The following KIF1C variants were observed in gnomAD, a reference collection of about 807,000 sequenced individuals.
KIF1C encodes kinesin family member 1C.
A neutral mutation model predicts 126.5 loss-of-function variants in KIF1C; 61 were observed. That is an observed-to-expected ratio of 0.48 (90% confidence interval 0.39 to 0.60). The LOEUF (loss-of-function observed/expected upper bound fraction) is 0.60, where lower values mean the gene tolerates loss of function less well. Among genes scored for constraint, KIF1C ranks in the 20% least tolerant of loss-of-function variants. The pLI is 0.00. For missense variants in KIF1C, 1,315 were observed against 1,489.2 expected, an observed-to-expected ratio of 0.88 and a Z score of 1.93; for synonymous variants, 640 against 580.6, an observed-to-expected ratio of 1.10 and a Z score of -1.47.
chr17:5,015,582 C>CATT, intron 18 of KIF1C, among the ~76,000 whole-genome samples: 1 of 71,248 alleles, frequency 1.4e-5, no homozygotes. Context: ...CTGCCCCCAG[C>CATT]TTTTTTTTTT....
At chr17:4,999,592 C>T (rs191655875) in intron 1 of KIF1C, among the ~76,000 whole-genome samples, 4 of 152,244 alleles carry the variant, frequency 2.6e-5, no homozygotes, top group Admixed American at 1.3e-4. Flanking sequence ...CCATGTGCCC[C>T]TCTCTCTGAA....
rs1161974448 is a variant in KIF1C at position 5,020,561 on chromosome 17, G to A, written c.1820G>A (p.Arg607Gln). Reference protein sequence around the residue: ...FNHPEQARLERERGVPPPPGP... With the variant: ...FNHPEQARLEQERGVPPPPGP... The stretch of plus-strand genomic sequence containing the variant: ...CACCCGGAGCAGGCAAGGCTGGAAC[G>A]GGAACGAGGGGTCCCCCCACCCCCA... The change falls in exon 20 of 23, where the codon CGG becomes CAG. Residue 607 changes from arginine to glutamine, a missense_variant. Arg to Gln is a conservative substitution (Grantham distance 43). Coordinates refer to ENST00000320785, the MANE Select transcript of KIF1C (RefSeq NM_006612.6). The surrounding 1 kb of genome is among the most constrained non-coding windows in gnomAD (Gnocchi z 5.8). 3 of 1,614,230 alleles carry A rather than the reference G, an allele frequency of 1.9e-6. No individual in the cohort carries two copies. The highest frequency in any genetic ancestry group is 2.5e-6 in the Non-Finnish European group (3 of 1,180,028).
Position 5,000,847 on chromosome 17 carries a change from C to G in KIF1C, c.182C>G (p.Ser61Trp). The change falls in exon 4 of 23, where the codon TCG becomes TGG. Residue 61 changes from serine to tryptophan, a missense_variant and splice_region_variant. By Grantham distance (177) the Ser-to-Trp change is radical (BLOSUM62 -3). Transcript: ENST00000320785. ...TFDYSYWSHT[S>W]TEDPQFASQQ... ...GACTACTCCTACTGGTCACACACTT[C>G]GGTGGGTTGTTGGGCTGGGGGAAGA... The G allele has an allele frequency of 6.2e-7, 1 of 1,613,810 alleles. No individual in the cohort carries two copies. The highest frequency in any genetic ancestry group is 8.5e-7 in the Non-Finnish European group (1 of 1,179,802).
At chr17:5,009,549 G>A (rs1015507327) in intron 16 of KIF1C, among the ~76,000 whole-genome samples, 1 of 151,728 alleles carries the variant, frequency 6.6e-6, no homozygotes, top group African/African-American at 2.4e-5. Flanking sequence ...AGCACTTTGG[G>A]AGGCCAAGGC....
At chr17:5,010,343 C>CCACTGATGGA (rs1430440104) in intron 16 of KIF1C, among the ~76,000 whole-genome samples, 1 of 152,054 alleles carries the variant, frequency 6.6e-6, no homozygotes, top group East Asian at 1.9e-4. Flanking sequence ...AGATTGTTTC[C>CCACTGATGGA]CATTCCTTGA....
At chr17:5,005,059 C>T in intron 13 of KIF1C, 59 bp downstream of exon 13, 1 of 1,607,912 alleles carries the variant, frequency 6.2e-7, no homozygotes, top group Non-Finnish European at 8.5e-7. Context: ...CATCCCTCCT[C>T]ACTTGCCTTT....
Position 5,023,368 on chromosome 17 carries a change from C to A in KIF1C, c.2629-100C>A. ...CTTATCTCTAGGCTTTTCTCTGGAC[C>A]CTTTGACATCCAGCCACTCCAGGTC... On this transcript the variant is annotated intron_variant, in intron 22 of 22. Transcript: ENST00000320785. This position sits in a 1 kb window ranked among gnomAD's most constrained non-coding sequence, Gnocchi z 4.2. 1.0e-6 allele frequency: 1 copy of A among 987,728 alleles called. No individual in the cohort carries two copies. The highest frequency in any genetic ancestry group is 1.5e-5 in the South Asian group (1 of 64,640). 61.2% of individuals were successfully genotyped at this position (987,728 alleles called of 1,614,324 possible).
In KIF1C at chr17:5,024,297, G is replaced by A. The variant is rs1975164836; in HGVS notation, c.*146G>A. 3.3e-6 allele frequency: 2 copies of A among 602,568 alleles called. No individual in the cohort carries two copies. Among genetic ancestry groups the A allele is most frequent in the Non-Finnish European group, 5.7e-6 (2 of 351,334 alleles). The allele number at this position is 602,568 out of a possible 1,614,324, so 37.3% of individuals were successfully genotyped here. A position where few individuals can be genotyped will look rare whatever the true frequency, so the allele number is the denominator to read the frequency against. ...CGAGTAGGTGATAGAAGACAAGGGG[G>A]AGACCGAGCCGGAGGCTGAGGAAAG... is the stretch of plus-strand genomic sequence containing the variant. On this transcript the variant is annotated 3_prime_UTR_variant, in exon 23 of 23. Coordinates refer to ENST00000320785, the MANE Select transcript of KIF1C (RefSeq NM_006612.6).
In KIF1C at chr17:5,000,319, A is replaced by G; in HGVS notation, c.73A>G (p.Lys25Glu). ...CGCCCGTGAGACCAGCCAGGATGCC[A>G]AGTGTGTGGTCAGCATGCAGGGCAA... is the stretch of plus-strand genomic sequence containing the variant. The part of the protein sequence containing the change: ...FNARETSQDA[K>E]CVVSMQGNTT... The change falls in exon 3 of 23, where the codon AAG (lysine) becomes GAG (glutamate). Residue 25 changes from lysine (K) to glutamate (E), a missense_variant. Physicochemically the swap from Lys to Glu is moderately conservative, Grantham distance 56 (BLOSUM62 1). Coordinates refer to ENST00000320785, the MANE Select transcript of KIF1C (RefSeq NM_006612.6). 2 of 1,593,768 alleles carry G rather than the reference A, an allele frequency of 1.3e-6. No homozygotes were observed. Among genetic ancestry groups the G allele is most frequent in the Non-Finnish European group, 1.7e-6 (2 of 1,171,360 alleles).
At position 5,027,214 on chromosome 17, in the gene KIF1C, C is replaced by G. The variant is rs57245298; in HGVS notation, c.*3063C>G. The stretch of plus-strand genomic sequence containing the variant: ...CACAATCTTGGCTCACTACAACCTC[C>G]GCTTCCTGGGTTCAAGCGATTCTCC... On this transcript the variant is annotated 3_prime_UTR_variant, in exon 23 of 23. Transcript: ENST00000320785. The G allele has an allele frequency of 0.07, 10,632 of 152,226 alleles. 468 individuals are homozygous for G. Among genetic ancestry groups the G allele is most frequent in the Middle Eastern group, 0.14 (42 of 294 alleles). The allele number at this position is 152,226 out of a possible 1,614,324, so 9.4% of individuals were successfully genotyped here.
Position 5,023,611 on chromosome 17 carries a change from G to A in KIF1C, c.2772G>A (p.Val924=), listed in dbSNP as rs754155129. ...PSPPLSSWER[V]SRLMEEDPAF... ...CACCACTGTCAAGCTGGGAGCGGGT[G>A]TCACGGCTCATGGAGGAGGACCCTG... The change falls in exon 23 of 23, where the codon GTG becomes GTA. Residue 924 remains valine, a synonymous_variant. Coordinates refer to ENST00000320785, the MANE Select transcript of KIF1C (RefSeq NM_006612.6). The surrounding 1 kb of genome is among the most constrained non-coding windows in gnomAD (Gnocchi z 4.2). 6.2e-7 allele frequency: 1 copy of A among 1,613,680 alleles called. No individual in the cohort carries two copies. The highest frequency in any genetic ancestry group is 8.5e-7 in the Non-Finnish European group (1 of 1,179,916).
At chr17:5,018,162 G>A (rs1003271998) in intron 18 of KIF1C, among the ~76,000 whole-genome samples, 6 of 151,792 alleles carry the variant, frequency 4.0e-5, no homozygotes, top group Non-Finnish European at 7.4e-5. Flanking sequence ...TGTACTTTTC[G>A]TACAGACAGG....
intron 1 of KIF1C, among the ~76,000 whole-genome samples, chr17:4,999,594 C>G (rs905090136): frequency 6.6e-6 from 1 of 152,166 alleles, no homozygotes; most frequent in Non-Finnish European, 1.5e-5. Flanking sequence ...ATGTGCCCCT[C>G]TCTCTGAATT....
At chr17:4,999,991 A>G (rs1188224061) in intron 2 of KIF1C, 21 bp downstream of exon 2, 7 of 494,744 alleles carry the variant, frequency 1.4e-5, no homozygotes, top group Non-Finnish European at 7.4e-6. Flanking sequence ...GAGACCGCCC[A>G]GGTTCCTGCA....
Position 5,013,644 on chromosome 17 carries a change from C to T in KIF1C, c.1492-9C>T, listed in dbSNP as rs759352280. On this transcript the variant is annotated splice_polypyrimidine_tract_variant and intron_variant, in intron 16 of 22. Coordinates refer to ENST00000320785, the MANE Select transcript of KIF1C (RefSeq NM_006612.6). The stretch of plus-strand genomic sequence containing the variant: ...GGCTCCCCCTGACCACCTTTCTCTC[C>T]CCGCTTAGACTCCCCACCTGGTGAA... The T allele has an allele frequency of 6.2e-7, 1 of 1,612,032 alleles. No individual in the cohort carries two copies. Among genetic ancestry groups the T allele is most frequent in the South Asian group, 1.1e-5 (1 of 90,944 alleles).
intron 16 of KIF1C, among the ~76,000 whole-genome samples, chr17:5,010,627 G>A (rs1215986461): frequency 6.6e-6 from 1 of 151,302 alleles, no homozygotes; most frequent in Admixed American, 6.6e-5. Context: ...GGCACCTGTA[G>A]TCCCAGCTAC....
At chr17:5,021,169 GTTTTTTTTTTT>G (rs765920431) in intron 21 of KIF1C, among the ~76,000 whole-genome samples, 4 of 77,398 alleles carry the variant, frequency 5.2e-5, no homozygotes, top group African/African-American at 1.0e-4. Flanking sequence ...GATTGTTGTG[GTTTTTTTTTTT>G]TTTTTTTTTT....
chr17:5,007,712 G>A (rs754484576), intron 16 of KIF1C, among the ~76,000 whole-genome samples, 170 bp downstream of exon 16: 3 of 152,068 alleles, frequency 2.0e-5, no homozygotes, highest in African/African-American at 2.4e-5. Context: ...GTCTTGTTTA[G>A]TCATCCCTGC....
intron 8 of KIF1C, 100 bp downstream of exon 8, chr17:5,002,942 C>CAGGG: frequency 1.1e-6 from 1 of 949,856 alleles, no homozygotes; most frequent in Non-Finnish European, 1.6e-6. Flanking sequence ...CCTGCCCATG[C>CAGGG]TGGGTTGAGT....
Sources: gnomAD v4.1 joint callset for allele counts (sites outside exome capture counted in the v4.1 genomes callset) on GRCh38, gnomAD v4.1.1 for gene constraint, Gnocchi (gnomAD v3.1) non-coding constraint, MANE v1.5 for transcripts, NCBI Gene and HGNC (gene_info 2026-07-23, HGNC 2026-07-21) for gene names.